Variants in C12orf42 observed in about 807,000 individuals in gnomAD.
C12orf42 encodes the protein chromosome 12 open reading frame 42.
A neutral mutation model predicts 21.6 loss-of-function variants in C12orf42; 25 were observed. That is an observed-to-expected ratio of 1.16 (90% CI 0.84 to 1.62). The LOEUF (loss-of-function observed/expected upper bound fraction) is 1.62. C12orf42 is among the 40% of genes most tolerant of loss of function. C12orf42 has a pLI of 0.00. For synonymous variants in C12orf42, 174 were observed against 175.0 expected, an observed-to-expected ratio of 0.99 and a Z score of 0.05; for missense variants, 483 against 459.3, an observed-to-expected ratio of 1.05 and a Z score of -0.47.
At chr12:103,076,028 C>T in the C12orf42 span, among the ~76,000 whole-genome samples, 1 of 151,904 alleles carries the variant, frequency 6.6e-6, no homozygotes, top group Non-Finnish European at 1.5e-5. Context: ...ATGTGATTTC[C>T]AAAGGTCAAT....
At chr12:103,550,333 T>TA in the C12orf42 span, 2 of 152,188 alleles carry the variant, frequency 1.3e-5, no homozygotes, top group African/African-American at 4.8e-5. Flanking sequence ...CTTTTCCTGT[T>TA]AAAACTGTCT....
At chr12:103,129,296 T>A in the C12orf42 span, among the ~76,000 whole-genome samples, 3 of 152,172 alleles carry the variant, frequency 2.0e-5, no homozygotes, top group Admixed American at 2.0e-4. Flanking sequence ...ATTGATTTTT[T>A]AAACTTTGCA....
intron 4 of C12orf42, among the ~76,000 whole-genome samples, chr12:103,309,501 T>C (rs1328581876): frequency 6.6e-6 from 1 of 152,198 alleles, no homozygotes; most frequent in African/African-American, 2.4e-5. Context: ...AGACTACTAG[T>C]AGCTAAATTT....
chr12:103,116,381 A>AATAT, the C12orf42 span, among the ~76,000 whole-genome samples: 608 of 136,680 alleles, frequency 4.4e-3, 3 homozygotes, highest in South Asian at 0.015. Flanking sequence ...AAAAAAAAAA[A>AATAT]ATATATATAT....
At chr12:103,230,574 C>T in the C12orf42 span, among the ~76,000 whole-genome samples, 1 of 152,078 alleles carries the variant, frequency 6.6e-6, no homozygotes, top group African/African-American at 2.4e-5. Flanking sequence ...AACATGTGTC[C>T]ATCACAGAGT....
At chr12:103,207,439 T>TGCGCACACACGTGCGC in the C12orf42 span, among the ~76,000 whole-genome samples, 1 of 152,218 alleles carries the variant, frequency 6.6e-6, no homozygotes, top group East Asian at 1.9e-4. Context: ...TTAAAATGCG[T>TGCGCACACACGTGCGC]GCGCACACAC....
chr12:103,304,505 G>A (rs191389095), intron 5 of C12orf42, among the ~76,000 whole-genome samples: 1 of 152,258 alleles, frequency 6.6e-6, no homozygotes, highest in African/African-American at 2.4e-5. Flanking sequence ...AAGTATTGGA[G>A]GAAAGAATCT....
At chr12:103,399,001 T>A (rs1394842199) in intron 3 of C12orf42, among the ~76,000 whole-genome samples, 1 of 152,150 alleles carries the variant, frequency 6.6e-6, no homozygotes, top group African/African-American at 2.4e-5. Context: ...ATGATGGACT[T>A]CTCATTCATA....
At chr12:103,080,607 T>C in the C12orf42 span, among the ~76,000 whole-genome samples, 1,812 of 152,306 alleles carry the variant, frequency 0.012, 42 homozygotes, top group African/African-American at 0.041. Flanking sequence ...TTTTTAATTA[T>C]ATGTGAACAC....
chr12:103,194,790 G>A, the C12orf42 span, among the ~76,000 whole-genome samples: 4 of 152,020 alleles, frequency 2.6e-5, no homozygotes, highest in Admixed American at 2.6e-4. Flanking sequence ...AATTCCAAAA[G>A]CATTTTTTCC....
the C12orf42 span, chr12:103,164,347 C>A: frequency 4.4e-6 from 2 of 453,286 alleles, no homozygotes; most frequent in Non-Finnish European, 8.9e-6. Context: ...ACTCTCCTAT[C>A]CCCTTTCATA....
chr12:103,134,475 A>T, the C12orf42 span, among the ~76,000 whole-genome samples: 1 of 152,226 alleles, frequency 6.6e-6, no homozygotes, highest in East Asian at 1.9e-4. Flanking sequence ...AATACAAAAT[A>T]CATGTAAAAT....
chr12:103,243,305 G>A (rs371812776), intron 10 of C12orf42, among the ~76,000 whole-genome samples: 2 of 151,960 alleles, frequency 1.3e-5, no homozygotes, highest in African/African-American at 2.4e-5. Context: ...GGGATTAAAC[G>A]TGGTAGCCAC....
chr12:103,126,385 G>A, the C12orf42 span, among the ~76,000 whole-genome samples: 1 of 152,172 alleles, frequency 6.6e-6, no homozygotes, highest in African/African-American at 2.4e-5. Context: ...TAAAAATACT[G>A]AGAAAAGCCC....
intron 4 of C12orf42, among the ~76,000 whole-genome samples, chr12:103,327,941 T>A (rs557012016): frequency 6.6e-6 from 1 of 152,226 alleles, no homozygotes; most frequent in East Asian, 1.9e-4. Context: ...GAGCAAAAAA[T>A]TGAGTTTGTT....
chr12:103,463,767 T>A (rs1168753230), intron 2 of C12orf42, among the ~76,000 whole-genome samples: 2 of 152,042 alleles, frequency 1.3e-5, no homozygotes, highest in Non-Finnish European at 2.9e-5. Context: ...ACAGACACCT[T>A]CCTGTGTCAA....
chr12:103,421,107 C>A (rs536557561), intron 2 of C12orf42, among the ~76,000 whole-genome samples: 183 of 152,246 alleles, frequency 1.2e-3, no homozygotes, highest in Non-Finnish European at 2.2e-3. Context: ...GACCAAGAAG[C>A]CTGTCTTACT....
At chr12:103,139,868 A>G in the C12orf42 span, among the ~76,000 whole-genome samples, 1 of 152,246 alleles carries the variant, frequency 6.6e-6, no homozygotes, top group Non-Finnish European at 1.5e-5. Context: ...AATATTTTCT[A>G]GTGGTGGTAC....
At chr12:103,113,918 T>C in the C12orf42 span, among the ~76,000 whole-genome samples, 1 of 152,224 alleles carries the variant, frequency 6.6e-6, no homozygotes, top group Non-Finnish European at 1.5e-5. Context: ...TACATGTTTC[T>C]TTTTGGCAAA....
Sources: gnomAD v4.1 joint callset for allele counts (sites outside exome capture counted in the v4.1 genomes callset) on GRCh38, gnomAD v4.1.1 for gene constraint, MANE v1.5 for transcripts, NCBI Gene and HGNC (gene_info 2026-07-23, HGNC 2026-07-21) for gene names.